RPGRIP1L: variants seen among roughly 807,000 people sequenced by gnomAD.
RPGRIP1L encodes the protein RPGRIP1 like.
A neutral mutation model predicts 160.4 loss-of-function variants in RPGRIP1L; 131 were observed. The ratio of observed to expected loss-of-function variants is 0.82; its 90% CI spans 0.71 to 0.94. RPGRIP1L has a LOEUF of 0.94. RPGRIP1L is among the 40% of genes least tolerant of loss of function. The pLI is 0.00. For missense variants in RPGRIP1L, 1,522 were observed against 1,535.8 expected, an observed-to-expected ratio of 0.99 and a Z score of 0.15; for synonymous variants, 510 against 515.8, an observed-to-expected ratio of 0.99 and a Z score of 0.15.
At chr16:53,649,536 A>T (rs1966805790) in intron 15 of RPGRIP1L, among the ~76,000 whole-genome samples, 1 of 152,212 alleles carries the variant, frequency 6.6e-6, no homozygotes, top group Non-Finnish European at 1.5e-5. Flanking sequence ...GACATTCCAC[A>T]TTCTAATTCA....
intron 24 of RPGRIP1L, among the ~76,000 whole-genome samples, chr16:53,617,770 C>CTTG (rs1964470408): frequency 6.6e-6 from 1 of 151,932 alleles, no homozygotes; most frequent in Admixed American, 6.6e-5. Context: ...GAGGAATGAA[C>CTTG]GTATTTCTAA....
chr16:53,700,708 C>T lies in RPGRIP1L; in HGVS notation c.16G>A (p.Asp6Asn). Residue 6 changes from aspartate (D) to asparagine (N), a missense_variant, in exon 2 of 27, where the codon GAT (aspartate) becomes AAT (asparagine). Transcript: ENST00000647211. MSGPT[D>N]ETAGDLPVKD... ...ACAGGCAAGTCTCCTGCAGTCTCAT[C>T]AGTTGGACCAGACATGGCCTAGCTG... is the stretch of plus-strand genomic sequence containing the variant. 1.9e-6 allele frequency: 3 copies of T among 1,613,122 alleles called. No individual in the cohort carries two copies. Among genetic ancestry groups the T allele is most frequent in the Non-Finnish European group, 2.5e-6 (3 of 1,179,484 alleles).
At chr16:53,646,089 G>T in intron 16 of RPGRIP1L, 86 bp from the exon 17 acceptor site, 3 of 1,254,922 alleles carry the variant, frequency 2.4e-6, no homozygotes, top group Admixed American at 1.9e-5. Context: ...AGATAATTTT[G>T]TCAATGACAA....
chr16:53,689,618 T>C (rs1418212103), intron 4 of RPGRIP1L, among the ~76,000 whole-genome samples: 1 of 152,210 alleles, frequency 6.6e-6, no homozygotes, highest in East Asian at 1.9e-4. Flanking sequence ...AGCACCTTGA[T>C]GGTAAAGGTT....
chr16:53,678,376 C>T (rs1398545588), intron 6 of RPGRIP1L, among the ~76,000 whole-genome samples: 1 of 152,132 alleles, frequency 6.6e-6, no homozygotes, highest in East Asian at 1.9e-4. Flanking sequence ...ACACTTGACT[C>T]CAGCTTTGCT....
At chr16:53,694,937 T>C (rs1181175439) in intron 3 of RPGRIP1L, 1 of 172,558 alleles carries the variant, frequency 5.8e-6, no homozygotes, top group East Asian at 1.6e-4. Flanking sequence ...ATTATTCTCG[T>C]AGCTAAAGTA....
Position 53,625,477 on chromosome 16 carries a change from G to GT in RPGRIP1L, c.3295-3122_3295-3121insA, listed in dbSNP as rs1208720445. On this transcript the variant is annotated intron_variant, in intron 22 of 26. Transcript: ENST00000647211. ...CGGCAGCCGCCCCATCTGGGGGCTG[G>GT]GGGGGGCGCGCCTCCGCCCAGCGGC... Among the ~76,000 whole-genome samples the GT allele has an allele frequency of 1.2e-3, 182 of 147,164 alleles. 3 individuals are homozygous for GT. The East Asian group carries it at 0.034, about 27-fold the overall frequency.
intron 10 of RPGRIP1L, 45 bp from the exon 11 acceptor site, chr16:53,658,923 G>C (rs372956835): frequency 8.2e-7 from 1 of 1,222,220 alleles, no homozygotes; most frequent in African/African-American, 1.5e-5. Context: ...GTAAAAATCA[G>C]GTTTAAGGAC....
At chr16:53,633,012 C>T (rs190073539) in intron 22 of RPGRIP1L, among the ~76,000 whole-genome samples, 55 of 152,230 alleles carry the variant, frequency 3.6e-4, no homozygotes, top group African/African-American at 1.3e-3. Flanking sequence ...TTCTTTTATG[C>T]CTGCCTGACA....
chr16:53,658,516 G>A (rs1221793310), intron 11 of RPGRIP1L, 52 bp from the exon 12 acceptor site: 10 of 1,360,940 alleles, frequency 7.3e-6, no homozygotes, highest in Non-Finnish European at 9.5e-6. Flanking sequence ...GAAAATACAA[G>A]AGACATTCCA....
intron 6 of RPGRIP1L, among the ~76,000 whole-genome samples, chr16:53,683,808 A>T (rs1205416471): frequency 1.3e-5 from 2 of 152,184 alleles, no homozygotes; most frequent in Non-Finnish European, 2.9e-5. Context: ...ATGAACAGGT[A>T]CTAGGAACCA....
intron 22 of RPGRIP1L, among the ~76,000 whole-genome samples, chr16:53,624,537 C>T (rs1472385633): frequency 6.6e-6 from 1 of 150,678 alleles, no homozygotes; most frequent in South Asian, 2.1e-4. Context: ...GAGCGAGACT[C>T]CACCTAAAAA....
At chr16:53,659,225 T>A (rs1253215829) in intron 10 of RPGRIP1L, 1 of 963,870 alleles carries the variant, frequency 1.0e-6, no homozygotes. Context: ...TTATTAAGGC[T>A]CCTGAAAAGC....
chr16:53,689,738 G>A (rs187229037), intron 4 of RPGRIP1L, among the ~76,000 whole-genome samples: 76 of 152,312 alleles, frequency 5.0e-4, no homozygotes, highest in Admixed American at 1.2e-3. Flanking sequence ...TGGAGAGCCT[G>A]TTAAAGTGTC....
Position 53,672,887 on chromosome 16 carries a change from C to T in RPGRIP1L, c.1012G>A (p.Glu338Lys), listed in dbSNP as rs1300821962. The change falls in exon 8 of 27, where the codon GAA (glutamate) becomes AAA (lysine). Residue 338 changes from glutamate (E) to lysine (K), a missense_variant. By Grantham distance (56) the Glu-to-Lys change is moderately conservative (BLOSUM62 1). Coordinates refer to ENST00000647211, the MANE Select transcript of RPGRIP1L (RefSeq NM_015272.5). Reference protein sequence around the residue: ...EKQLHSMKFSERRIEELQDRI... With the variant: ...EKQLHSMKFSKRRIEELQDRI... ...GAGCTTACCTCTTCTATTCTTCTTTCAGAAAACTTCATAGAATGTAATTGT... is the reference window on the plus strand; with the variant it reads ...GAGCTTACCTCTTCTATTCTTCTTTTAGAAAACTTCATAGAATGTAATTGT... 2 of 1,612,740 alleles carry T rather than the reference C, an allele frequency of 1.2e-6. No individual in the cohort carries two copies. The highest frequency in any genetic ancestry group is 1.3e-5 in the African/African-American group (1 of 74,986).
intron 14 of RPGRIP1L, 89 bp downstream of exon 14, chr16:53,656,383 A>G: frequency 3.3e-6 from 3 of 898,840 alleles, no homozygotes; most frequent in Middle Eastern, 2.1e-4. Context: ...GCAAAAATAC[A>G]CTGTAAGTGC....
chr16:53,660,644 C>T (rs1967704325), intron 10 of RPGRIP1L, among the ~76,000 whole-genome samples: 1 of 151,962 alleles, frequency 6.6e-6, no homozygotes, highest in East Asian at 1.9e-4. Flanking sequence ...GCCTGTAATC[C>T]CAGCACTTTG....
intron 2 of RPGRIP1L, among the ~76,000 whole-genome samples, chr16:53,699,198 C>G (rs1208194216): frequency 6.6e-6 from 1 of 151,712 alleles, no homozygotes; most frequent in Non-Finnish European, 1.5e-5. Flanking sequence ...GCAGCATGCT[C>G]GTTAAGAGTC....
intron 14 of RPGRIP1L, 37 bp from the exon 15 acceptor site, chr16:53,653,024 T>C (rs1567842012): frequency 5.8e-6 from 9 of 1,542,830 alleles, no homozygotes; most frequent in Non-Finnish European, 6.2e-6. Flanking sequence ...GATTTCAAAA[T>C]ATTGACATGA....
Sources: allele counts gnomAD v4.1 joint callset (sites outside exome capture counted in the v4.1 genomes callset), GRCh38; gene constraint gnomAD v4.1.1; transcripts MANE v1.5; gene names NCBI Gene and HGNC (gene_info 2026-07-23, HGNC 2026-07-21).